The following SFXN2 variants were observed in gnomAD, a reference collection of about 807,000 sequenced individuals.
SFXN2 encodes the protein sideroflexin-2.
In SFXN2, 37 loss-of-function variants were observed where a neutral mutation model predicts 41.9. That is an observed-to-expected ratio of 0.88 (90% CI 0.68 to 1.16). The LOEUF (loss-of-function observed/expected upper bound fraction) is 1.16. SFXN2 is among the 50% of genes most tolerant of loss of function. SFXN2 has a pLI of 0.00. For missense variants in SFXN2, 386 were observed against 425.2 expected (o/e 0.91, Z 0.81); for synonymous variants, 150 against 156.7 (o/e 0.96, Z 0.32).
chr10:102,742,656 ACAGGGTTCTCTC>A lies in SFXN2; in HGVS notation c.*4897_*4908del, dbSNP rs1842803093. ...ATTTAGTTTTTTTATTTTTGTAGAG[ACAGGGTTCTCTC>A]CATGTTGCCCAGGCTGGTTTCAAAC... On this transcript the variant is annotated 3_prime_UTR_variant, in exon 12 of 12. Transcript: ENST00000369893. 6.6e-6 allele frequency: 1 copy of A among 151,536 alleles called. No individual in the cohort carries two copies. Among genetic ancestry groups the A allele is most frequent in the African/African-American group, 2.4e-5 (1 of 41,150 alleles). The allele number at this position is 151,536 out of a possible 1,614,324, so 9.4% of individuals were successfully genotyped here.
rs1219616332 is a variant in SFXN2, at chr10:102,743,088, G to A, written c.*5326G>A. 1 of 152,276 alleles carries A rather than the reference G, an allele frequency of 6.6e-6. No homozygotes were observed. The highest frequency in any genetic ancestry group is 6.5e-5 in the Admixed American group (1 of 15,292). The allele number at this position is 152,276 out of a possible 1,614,324, so 9.4% of individuals were successfully genotyped here. ...GGGACGAAGTCACAGAGAGGACCGT[G>A]TTGGGAAGTTTGGACTCTCTATTCT... On this transcript the variant is annotated 3_prime_UTR_variant, in exon 12 of 12. Coordinates refer to ENST00000369893, the MANE Select transcript of SFXN2 (RefSeq NM_178858.6).
In SFXN2 at chr10:102,733,614, T is replaced by C. The variant is rs2064734273; in HGVS notation, c.821+11T>C. The C allele has an allele frequency of 6.2e-7, 1 of 1,613,160 alleles. No homozygotes were observed. The highest frequency in any genetic ancestry group is 1.1e-5 in the South Asian group (1 of 91,078). Reference sequence around the variant, plus strand: ...GCTGAGCGGGTGCTTGTAAGTATCATATTTTGATGATTTGGGTTCTGCGTG... The same window carrying C: ...GCTGAGCGGGTGCTTGTAAGTATCACATTTTGATGATTTGGGTTCTGCGTG... On this transcript the variant is annotated intron_variant, in intron 10 of 11. Transcript: ENST00000369893.
chr10:102,731,893 G>A, intron 7 of SFXN2, 110 bp downstream of exon 7: 1 of 981,998 alleles, frequency 1.0e-6, no homozygotes, highest in Non-Finnish European at 1.5e-6. Context: ...GCCTTTTCTG[G>A]CTCCATCCTC....
At chr10:102,723,863 C>T (rs376057958) in intron 1 of SFXN2, among the ~76,000 whole-genome samples, 57 of 152,206 alleles carry the variant, frequency 3.7e-4, no homozygotes, top group African/African-American at 1.3e-3. Context: ...CAGGGGTACA[C>T]GTGCAGGTTT....
chr10:102,720,303 A>C (rs1001275835), intron 1 of SFXN2, among the ~76,000 whole-genome samples: 9 of 150,214 alleles, frequency 6.0e-5, no homozygotes, highest in African/African-American at 1.5e-4. Context: ...AAAAAAAAAA[A>C]AAAAAAAAAA....
At chr10:102,727,254 C>A in intron 3 of SFXN2, 97 bp downstream of exon 3, 2 of 1,340,522 alleles carry the variant, frequency 1.5e-6, no homozygotes, top group South Asian at 1.5e-5. Flanking sequence ...CTTGATTGGT[C>A]ACTTACCAGA....
In SFXN2 at chr10:102,732,899, C is replaced by T. The variant is rs774317080; in HGVS notation, c.762C>T (p.His254=). 6 of 1,614,146 alleles carry T rather than the reference C, an allele frequency of 3.7e-6. No individual in the cohort carries two copies. The highest frequency in any genetic ancestry group is 2.2e-5 in the East Asian group (1 of 44,880). ...TCATGGAAAGGCTTGAGAAATTGCACTTCATGCAGGTATGTAGGGTTTGCT... is the reference window on the plus strand; with the variant it reads ...TCATGGAAAGGCTTGAGAAATTGCATTTCATGCAGGTATGTAGGGTTTGCT... ...PVIMERLEKL[H]FMQKVKVLHA... is the part of the protein sequence containing the mutation. Residue 254 remains histidine (H), a synonymous_variant, in exon 9 of 12, where the codon CAC becomes CAT. Coordinates refer to ENST00000369893, the MANE Select transcript of SFXN2 (RefSeq NM_178858.6).
intron 1 of SFXN2, among the ~76,000 whole-genome samples, chr10:102,719,513 G>A (rs550141770): frequency 6.6e-6 from 1 of 152,294 alleles, no homozygotes; most frequent in South Asian, 2.1e-4. Context: ...ACAGGTGTGA[G>A]CCACTGTGCC....
In SFXN2 at chr10:102,739,687, G is replaced by T. The variant is rs1401218286; in HGVS notation, c.*1925G>T. 6.6e-6 allele frequency: 1 copy of T among 152,190 alleles called. No homozygotes were observed. The highest frequency in any genetic ancestry group is 2.4e-5 in the African/African-American group (1 of 41,418). The allele number at this position is 152,190 out of a possible 1,614,324, so 9.4% of individuals were successfully genotyped here. A position where few individuals can be genotyped will look rare whatever the true frequency, so the allele number is the denominator to read the frequency against. On this transcript the variant is annotated 3_prime_UTR_variant, in exon 12 of 12. Coordinates refer to ENST00000369893, the MANE Select transcript of SFXN2 (RefSeq NM_178858.6). ...CACACTTTGGGAGGCCGAGGCAGGT[G>T]GATCACCTGAGGTCAGGAGTTCGAG...
intron 6 of SFXN2, among the ~76,000 whole-genome samples, chr10:102,730,853 T>C (rs941032574): frequency 2.0e-5 from 3 of 152,112 alleles, no homozygotes; most frequent in African/African-American, 7.2e-5. Flanking sequence ...TTTGGGAGGC[T>C]GAGGTGGGCG....
In SFXN2 at chr10:102,738,371, A is replaced by G. The variant is rs1347326494; in HGVS notation, c.*609A>G. 3 of 150,426 alleles carry G rather than the reference A, an allele frequency of 2.0e-5. No individual in the cohort carries two copies. The highest frequency in any genetic ancestry group is 4.4e-5 in the Non-Finnish European group (3 of 67,936). The allele number at this position is 150,426 out of a possible 1,614,324, so 9.3% of individuals were successfully genotyped here. ...GAATGCAGTGGCGCGATCTCGGCTC[A>G]CTGCAAACTCTGCCTCCTGGATTCA... On this transcript the variant is annotated 3_prime_UTR_variant, in exon 12 of 12. Transcript: ENST00000369893.
intron 1 of SFXN2, among the ~76,000 whole-genome samples, chr10:102,719,169 C>T (rs1478154847): frequency 9.9e-5 from 15 of 151,234 alleles, no homozygotes; most frequent in African/African-American, 3.2e-4. Flanking sequence ...GTGATCCGCC[C>T]GCCTCAGCCT....
chr10:102,716,410 G>A (rs537175309), intron 1 of SFXN2: 1 of 151,780 alleles, frequency 6.6e-6, no homozygotes, highest in South Asian at 2.1e-4. Flanking sequence ...GCTTGTAAGA[G>A]GATACCTCAG....
In SFXN2 at chr10:102,734,291, C is replaced by T. The variant is rs930746976; in HGVS notation, c.821+688C>T. Among the ~76,000 whole-genome samples, 2 of 152,196 alleles carry T rather than the reference C, an allele frequency of 1.3e-5. No individual in the cohort carries two copies. Among genetic ancestry groups the T allele is most frequent in the African/African-American group, 4.8e-5 (2 of 41,446 alleles). On this transcript the variant is annotated intron_variant, in intron 10 of 11. Transcript: ENST00000369893. This position sits in a 1 kb window ranked among gnomAD's most constrained non-coding sequence, Gnocchi z 4.1. ...CAGTCACGTCAGGGTTCTTAGGTAT[C>T]TGCCATTAACTGGAGATGTCCTAGC...
In SFXN2 at chr10:102,737,712, G is replaced by T; in HGVS notation, c.919G>T (p.Ala307Ser). The change falls in exon 12 of 12, where the codon GCC becomes TCC. Residue 307 changes from alanine to serine, a missense_variant. By Grantham distance (99) the Ala-to-Ser change is moderately conservative. Transcript: ENST00000369893. ...LEPKLQDTIK[A>S]KYGELEPYVY... ...ACCGAAGCTCCAAGACACTATCAAG[G>T]CCAAGTATGGAGAACTTGAGCCTTA... The T allele has an allele frequency of 6.2e-7, 1 of 1,613,050 alleles. No homozygotes were observed. Among genetic ancestry groups the T allele is most frequent in the Non-Finnish European group, 8.5e-7 (1 of 1,179,234 alleles).
In SFXN2 at chr10:102,734,334, G is replaced by A. The variant is rs1395460138; in HGVS notation, c.821+731G>A. ...GTCCTAGCGTTCACCATGCATTTCA[G>A]GGCCACGAGACTAATGACAGCATCA... is the stretch of plus-strand genomic sequence containing the variant. On this transcript the variant is annotated intron_variant, in intron 10 of 11. Coordinates refer to ENST00000369893, the MANE Select transcript of SFXN2 (RefSeq NM_178858.6). This position sits in a 1 kb window ranked among gnomAD's most constrained non-coding sequence, Gnocchi z 4.1. 7.9e-5 allele frequency among the ~76,000 whole-genome samples: 12 copies of A among 152,230 alleles called. No homozygotes were observed. The South Asian group carries it at 2.3e-3, about 29-fold the overall frequency.
chr10:102,725,647 C>G (rs949494682), intron 1 of SFXN2, among the ~76,000 whole-genome samples: 1 of 152,094 alleles, frequency 6.6e-6, no homozygotes, highest in Non-Finnish European at 1.5e-5. Flanking sequence ...AATCCCAGCA[C>G]TTTGGGAGGC....
intron 1 of SFXN2, among the ~76,000 whole-genome samples, chr10:102,721,847 T>G (rs1481249994): frequency 6.6e-6 from 1 of 150,858 alleles, no homozygotes; most frequent in Non-Finnish European, 1.5e-5. Flanking sequence ...CTGTCTGTAA[T>G]CTACTGATTC....
intron 1 of SFXN2, among the ~76,000 whole-genome samples, chr10:102,720,108 C>T (rs1404385989): frequency 2.6e-5 from 4 of 151,830 alleles, no homozygotes; most frequent in East Asian, 1.9e-4. Context: ...CTGGCTAACA[C>T]GGTGAAACCG....
Sources: allele counts gnomAD v4.1 joint callset (sites outside exome capture counted in the v4.1 genomes callset), GRCh38; gene constraint gnomAD v4.1.1; non-coding constraint Gnocchi (gnomAD v3.1); transcripts MANE v1.5; gene names NCBI Gene and HGNC (gene_info 2026-07-23, HGNC 2026-07-21).